The following DDX4 variants were observed in gnomAD, a reference collection of about 807,000 sequenced individuals.
DDX4 encodes the protein DEAD-box helicase 4.
DDX4 carries 25 observed loss-of-function variants against 100.0 expected under a neutral mutation model. The ratio of observed to expected loss-of-function variants is 0.25; its 90% CI spans 0.18 to 0.35. The LOEUF (loss-of-function observed/expected upper bound fraction) is 0.35. Among genes scored for constraint, DDX4 ranks in the 10% least tolerant of loss-of-function variants. The probability of loss-of-function intolerance (pLI) is 1.00; values close to 1 mark genes in which losing one functional copy is unlikely to be tolerated. For synonymous variants in DDX4, 259 were observed against 275.7 expected, an observed-to-expected ratio of 0.94 and a Z score of 0.60; for missense variants, 635 against 882.4, an observed-to-expected ratio of 0.72 and a Z score of 3.55.
intron 7 of DDX4, among the ~76,000 whole-genome samples, chr5:55,769,254 A>C (rs1294348815): frequency 2.6e-5 from 4 of 152,008 alleles, no homozygotes; most frequent in Admixed American, 2.6e-4. Flanking sequence ...TTTAGGTTTT[A>C]CATGTTATTC....
intron 15 of DDX4, among the ~76,000 whole-genome samples, chr5:55,789,073 C>A (rs1347718911): frequency 1.3e-5 from 2 of 152,002 alleles, no homozygotes; most frequent in East Asian, 1.9e-4. Flanking sequence ...ATAAAAAAAA[C>A]CAACAGTTTT....
chr5:55,757,864 T>G (rs377668869), intron 3 of DDX4, among the ~76,000 whole-genome samples: 1 of 152,110 alleles, frequency 6.6e-6, no homozygotes, highest in Non-Finnish European at 1.5e-5. Context: ...GCCAATGTGG[T>G]GAAACCCTGT....
rs145096361 is a variant in DDX4, at chr5:55,763,248, C to T, written c.279C>T (p.Asn93=). ...TTGGAGTTGGAAAGAGTTTTGGAAA[C>T]AGAGGTAATTACTTGGTTATGATAT... is the stretch of plus-strand genomic sequence containing the variant. The part of the protein sequence containing the change: ...GGFGVGKSFG[N]RGFSNSRFED... The change falls in exon 5 of 22, where the codon AAC becomes AAT. Residue 93 remains asparagine, a synonymous_variant. Coordinates refer to ENST00000505374, the MANE Select transcript of DDX4 (RefSeq NM_024415.3). 5.1e-5 allele frequency: 81 copies of T among 1,597,458 alleles called. No homozygotes were observed. The African/African-American group carries it at 9.4e-4, about 19-fold the overall frequency.
chr5:55,804,333 C>G (rs1743546810), intron 18 of DDX4, among the ~76,000 whole-genome samples: 1 of 151,220 alleles, frequency 6.6e-6, no homozygotes, highest in Non-Finnish European at 1.5e-5. Context: ...TTAATTAGAT[C>G]CCATTTGTCA....
intron 6 of DDX4, chr5:55,766,857 CT>C (rs1740954682): frequency 2.7e-6 from 4 of 1,489,450 alleles, no homozygotes; most frequent in Non-Finnish European, 3.6e-6. Flanking sequence ...TCTGGAAAGC[CT>C]GATGTCATAG....
intron 18 of DDX4, among the ~76,000 whole-genome samples, chr5:55,804,082 G>A (rs1273417095): frequency 6.6e-6 from 1 of 151,832 alleles, no homozygotes; most frequent in Non-Finnish European, 1.5e-5. Context: ...GTGATGGTGA[G>A]CATTTTTTCA....
chr5:55,765,562 TGCTTAA>T (rs1360170208), intron 6 of DDX4, among the ~76,000 whole-genome samples: 1 of 151,820 alleles, frequency 6.6e-6, no homozygotes, highest in Non-Finnish European at 1.5e-5. Flanking sequence ...TCATCTACTT[TGCTTAA>T]GCTGGTATAT....
chr5:55,788,443 T>C (rs112098328), intron 15 of DDX4, among the ~76,000 whole-genome samples: 10,741 of 152,146 alleles, frequency 0.071, 599 homozygotes, highest in African/African-American at 0.16. Context: ...ACCACCACAC[T>C]CAGAGCGAGA....
intron 3 of DDX4, among the ~76,000 whole-genome samples, chr5:55,747,880 A>C (rs1759328280): frequency 6.6e-6 from 1 of 152,196 alleles, no homozygotes; most frequent in Non-Finnish European, 1.5e-5. Flanking sequence ...ATCAGGTAGT[A>C]ATTTTATCAT....
chr5:55,801,724 T>C (rs973992854), intron 18 of DDX4, among the ~76,000 whole-genome samples: 2 of 152,210 alleles, frequency 1.3e-5, no homozygotes, highest in African/African-American at 4.8e-5. Context: ...TTAAGTTTGC[T>C]GAACAGTATT....
At chr5:55,766,410 C>T (rs1740927270) in intron 6 of DDX4, among the ~76,000 whole-genome samples, 1 of 150,668 alleles carries the variant, frequency 6.6e-6, no homozygotes, top group Non-Finnish European at 1.5e-5. Flanking sequence ...AGACTCTTTC[C>T]CTTGCCAGGT....
intron 9 of DDX4, 78 bp downstream of exon 9, chr5:55,781,224 A>G (rs544630664): frequency 5.2e-6 from 6 of 1,146,084 alleles, no homozygotes; most frequent in Middle Eastern, 4.0e-4. Flanking sequence ...CCTAATATAT[A>G]TGTTAAAGTA....
At chr5:55,789,645 T>C (rs1202035779) in intron 15 of DDX4, among the ~76,000 whole-genome samples, 2 of 152,222 alleles carry the variant, frequency 1.3e-5, no homozygotes, top group Admixed American at 1.3e-4. Flanking sequence ...TTATAATTTA[T>C]TGGAACTAGT....
At chr5:55,760,878 C>G (rs1178714738) in intron 4 of DDX4, among the ~76,000 whole-genome samples, 2 of 152,036 alleles carry the variant, frequency 1.3e-5, no homozygotes, top group African/African-American at 4.8e-5. Context: ...CATATTAGAA[C>G]TTCAGGTTAA....
At chr5:55,816,005 C>CA (rs1744400306) in intron 21 of DDX4, among the ~76,000 whole-genome samples, 1 of 142,450 alleles carries the variant, frequency 7.0e-6, no homozygotes. Flanking sequence ...AGGCTGGTCT[C>CA]AAACTCCTGG....
chr5:55,777,541 T>TA (rs1414672359), intron 7 of DDX4: 3 of 152,176 alleles, frequency 2.0e-5, no homozygotes, highest in Admixed American at 2.0e-4. Flanking sequence ...TGGACCTGGT[T>TA]AGTACTTGGA....
At chr5:55,757,299 G>A (rs1323495938) in intron 3 of DDX4, among the ~76,000 whole-genome samples, 9 of 152,122 alleles carry the variant, frequency 5.9e-5, no homozygotes, top group Non-Finnish European at 1.3e-4. Context: ...AAAGTCCATT[G>A]TATCATTCTT....
At chr5:55,785,534 T>G in intron 12 of DDX4, 40 bp downstream of exon 12, 1 of 1,465,500 alleles carries the variant, frequency 6.8e-7, no homozygotes, top group Non-Finnish European at 9.4e-7. Flanking sequence ...AAGTATGTTG[T>G]GTTTTAATAA....
intron 9 of DDX4, 121 bp from the exon 10 acceptor site, chr5:55,781,813 A>G: frequency 1.0e-6 from 1 of 984,658 alleles, no homozygotes; most frequent in Non-Finnish European, 1.5e-6. Flanking sequence ...TAAGAGATGG[A>G]TGGGTTAAAG....
Sources: gnomAD v4.1 joint callset for allele counts (sites outside exome capture counted in the v4.1 genomes callset) on GRCh38, gnomAD v4.1.1 for gene constraint, MANE v1.5 for transcripts, NCBI Gene and HGNC (gene_info 2026-07-23, HGNC 2026-07-21) for gene names.